The following GRAP2 variants were observed in gnomAD, a reference collection of about 807,000 sequenced individuals.
The protein encoded by GRAP2 is GRB2 related adaptor protein 2.
Under a neutral mutation model 43.5 loss-of-function variants are expected in GRAP2, and 31 were observed. The observed-to-expected ratio is 0.71, with a 90% CI of 0.54 to 0.96. GRAP2 has a LOEUF of 0.96. Ranked by LOEUF, GRAP2 falls within the 40% of genes least tolerant of loss-of-function variation. The pLI is 0.00. For synonymous variants in GRAP2, 156 were observed against 164.8 expected (o/e 0.95, Z 0.41); for missense variants, 371 against 424.4 (o/e 0.87, Z 1.11).
At chr22:39,942,710 A>C (rs2066883308) in intron 1 of GRAP2, among the ~76,000 whole-genome samples, 1 of 152,124 alleles carries the variant, frequency 6.6e-6, no homozygotes, top group Non-Finnish European at 1.5e-5. Context: ...GAATCCTGTG[A>C]GCTAAAGAGT....
At position 39,971,489 on chromosome 22, in the gene GRAP2, G is replaced by A. The variant is rs2067242852; in HGVS notation, c.*405G>A. ...AGAACAACAGGGTGGGGTTGAACTT[G>A]GTGGGGCACGTTCTAGCTGACCTGC... On this transcript the variant is annotated 3_prime_UTR_variant, in exon 8 of 8. Transcript: ENST00000344138. The A allele has an allele frequency of 5.8e-6, 1 of 172,708 alleles. No homozygotes were observed. The highest frequency in any genetic ancestry group is 2.4e-5 in the African/African-American group (1 of 41,850). The allele number at this position is 172,708 out of a possible 1,614,324, so 10.7% of individuals were successfully genotyped here.
intron 1 of GRAP2, among the ~76,000 whole-genome samples, chr22:39,919,492 C>A (rs1444672525): frequency 6.6e-6 from 1 of 152,300 alleles, no homozygotes; most frequent in East Asian, 1.9e-4. Flanking sequence ...TCACATGTGA[C>A]AAGTCAATTC....
Position 39,966,180 on chromosome 22 carries a change from C to G in GRAP2, c.459+22C>G. ...CCAGGTATGCTCCAGATCCAGTCGACCCCAATCTAGAGATTTTAGGCAGCC... is the reference window on the plus strand; with the variant it reads ...CCAGGTATGCTCCAGATCCAGTCGAGCCCAATCTAGAGATTTTAGGCAGCC... On this transcript the variant is annotated intron_variant, in intron 5 of 7. Transcript: ENST00000344138. The G allele has an allele frequency of 1.9e-6, 3 of 1,604,046 alleles. No individual in the cohort carries two copies. In the South Asian group the frequency reaches 3.3e-5, roughly 18 times the overall value.
At chr22:39,909,550 T>C (rs992538680) in intron 1 of GRAP2, among the ~76,000 whole-genome samples, 10 of 152,204 alleles carry the variant, frequency 6.6e-5, no homozygotes, top group African/African-American at 2.2e-4. Context: ...ATTCATCTTT[T>C]GGCTACTGTC....
chr22:39,920,757 A>G (rs2066642045), intron 1 of GRAP2, among the ~76,000 whole-genome samples: 1 of 152,102 alleles, frequency 6.6e-6, no homozygotes, highest in Non-Finnish European at 1.5e-5. Flanking sequence ...CATAATATCT[A>G]AATATGGCTC....
chr22:39,950,616 C>T (rs2066972015), intron 2 of GRAP2, among the ~76,000 whole-genome samples: 1 of 152,260 alleles, frequency 6.6e-6, no homozygotes. Context: ...GCATCTAACA[C>T]AAGTCATGGC....
At chr22:39,959,998 C>T in intron 3 of GRAP2, 57 bp from the exon 4 acceptor site, 1 of 1,581,644 alleles carries the variant, frequency 6.3e-7, no homozygotes. Flanking sequence ...CTCCACGTCT[C>T]CCTCTTGTCA....
intron 1 of GRAP2, among the ~76,000 whole-genome samples, chr22:39,924,848 A>T (rs990626577): frequency 4.6e-5 from 7 of 152,230 alleles, no homozygotes; most frequent in Admixed American, 2.0e-4. Flanking sequence ...TGGAGAAGTA[A>T]AACTCAAACC....
At chr22:39,911,723 T>C (rs894493642) in intron 1 of GRAP2, among the ~76,000 whole-genome samples, 1 of 152,124 alleles carries the variant, frequency 6.6e-6, no homozygotes, top group Non-Finnish European at 1.5e-5. Context: ...CTATAATTAT[T>C]AATTTTCCAG....
chr22:39,964,599 C>T (rs1410458774), intron 4 of GRAP2: 1 of 753,368 alleles, frequency 1.3e-6, no homozygotes, highest in African/African-American at 1.7e-5. Flanking sequence ...GAGACGGTGA[C>T]CCTTTATTTC....
the GRAP2 span, among the ~76,000 whole-genome samples, chr22:39,894,852 G>A: frequency 3.3e-4 from 50 of 152,342 alleles, no homozygotes; most frequent in African/African-American, 1.1e-3. Flanking sequence ...TAGTAAGAGA[G>A]AAGAGATCAT....
At chr22:39,937,551 G>C (rs530479447) in intron 1 of GRAP2, among the ~76,000 whole-genome samples, 1 of 152,244 alleles carries the variant, frequency 6.6e-6, no homozygotes, top group Non-Finnish European at 1.5e-5. Flanking sequence ...ACACTTTGTA[G>C]AAACAGTTTT....
chr22:39,926,759 G>A lies in GRAP2; in HGVS notation c.-14-20334G>A, dbSNP rs977790570. The A allele has an allele frequency of 2.9e-5, 29 of 985,178 alleles. 1 individual carries two copies. The Admixed American group carries it at 8.0e-4, about 27-fold the overall frequency. 61.0% of individuals were successfully genotyped at this position (985,178 alleles called of 1,614,324 possible). On this transcript the variant is annotated intron_variant, in intron 1 of 7. Coordinates refer to ENST00000344138, the MANE Select transcript of GRAP2 (RefSeq NM_004810.4). ...GGGACTGCATTAGCGGCCCCTTATCGCTTTGCCTGATAGAGAGACAGCAGG... is the reference window on the plus strand; with the variant it reads ...GGGACTGCATTAGCGGCCCCTTATCACTTTGCCTGATAGAGAGACAGCAGG...
chr22:39,945,281 A>G (rs1417959204), intron 1 of GRAP2, among the ~76,000 whole-genome samples: 1 of 152,200 alleles, frequency 6.6e-6, no homozygotes. Context: ...CTCCTGGTCT[A>G]TTTTTTGCTT....
At position 39,971,124 on chromosome 22, in the gene GRAP2, A is replaced by G. The variant is rs917283700; in HGVS notation, c.*40A>G. On this transcript the variant is annotated 3_prime_UTR_variant, in exon 8 of 8. Coordinates refer to ENST00000344138, the MANE Select transcript of GRAP2 (RefSeq NM_004810.4). ...AGAAGCTTTTTGTCTGGAGCTGCCC[A>G]CAAGAAAGAGGGCAAGGAAAAAAGG... 1 of 1,508,056 alleles carries G rather than the reference A, an allele frequency of 6.6e-7. No individual in the cohort carries two copies. The highest frequency in any genetic ancestry group is 1.2e-5 in the South Asian group (1 of 84,934). 93.4% of individuals were successfully genotyped at this position (1,508,056 alleles called of 1,614,324 possible).
chr22:39,964,263 C>A, intron 4 of GRAP2: 1 of 620,334 alleles, frequency 1.6e-6, no homozygotes. Context: ...TTTTCTCTAG[C>A]CCTGGTTCGA....
intron 1 of GRAP2, among the ~76,000 whole-genome samples, chr22:39,921,462 G>A (rs538795873): frequency 1.3e-5 from 2 of 152,334 alleles, no homozygotes; most frequent in South Asian, 4.1e-4. Context: ...TGCCTGGCAG[G>A]AAACCATTCA....
At chr22:39,929,275 A>G (rs1487063497) in intron 1 of GRAP2, among the ~76,000 whole-genome samples, 1 of 152,156 alleles carries the variant, frequency 6.6e-6, no homozygotes, top group Non-Finnish European at 1.5e-5. Flanking sequence ...AGGGAAAGAG[A>G]GAAAGAGAGA....
chr22:39,965,025 G>A (rs1018563608), intron 4 of GRAP2, among the ~76,000 whole-genome samples: 7 of 152,220 alleles, frequency 4.6e-5, no homozygotes, highest in Admixed American at 4.6e-4. Context: ...GCACCTCTGT[G>A]AGCCTCAGTG....
Sources: allele counts gnomAD v4.1 joint callset (sites outside exome capture counted in the v4.1 genomes callset), GRCh38; gene constraint gnomAD v4.1.1; transcripts MANE v1.5; gene names NCBI Gene and HGNC (gene_info 2026-07-23, HGNC 2026-07-21).